The following PHACTR3 variants were observed in gnomAD, a reference collection of about 807,000 sequenced individuals.
PHACTR3 encodes protein phosphatase 1, regulatory subunit 123.
In PHACTR3, 16 loss-of-function variants were observed where a neutral mutation model predicts 66.8. The ratio of observed to expected loss-of-function variants is 0.24; its 90% CI spans 0.16 to 0.36. The LOEUF is 0.36. Among genes scored for constraint, PHACTR3 ranks in the 10% least tolerant of loss-of-function variants. The probability of loss-of-function intolerance (pLI) is 1.00; values close to 1 mark genes in which losing one functional copy is unlikely to be tolerated. For missense variants in PHACTR3, 647 were observed against 719.9 expected, an observed-to-expected ratio of 0.90 and a Z score of 1.16; for synonymous variants, 323 against 292.1, an observed-to-expected ratio of 1.11 and a Z score of -1.08.
chr20:59,840,164 G>C (rs1474578327), intron 9 of PHACTR3, among the ~76,000 whole-genome samples: 1 of 152,170 alleles, frequency 6.6e-6, no homozygotes, highest in Non-Finnish European at 1.5e-5. Context: ...GCAAAGCTTT[G>C]CTTAGTACAA....
chr20:59,846,681 A>AGGGTC (rs2059154959), intron 12 of PHACTR3, among the ~76,000 whole-genome samples: 2 of 152,112 alleles, frequency 1.3e-5, no homozygotes, highest in Non-Finnish European at 2.9e-5. Context: ...CCCTAAAATT[A>AGGGTC]TTTCAACAAT....
At chr20:59,783,651 C>T (rs1424560828) in intron 7 of PHACTR3, among the ~76,000 whole-genome samples, 1 of 152,212 alleles carries the variant, frequency 6.6e-6, no homozygotes, top group East Asian at 1.9e-4. Flanking sequence ...TCCAGCTCCA[C>T]AGCACATGAC....
At chr20:59,794,813 A>G (rs934013896) in intron 7 of PHACTR3, among the ~76,000 whole-genome samples, 7 of 152,180 alleles carry the variant, frequency 4.6e-5, no homozygotes, top group Middle Eastern at 3.4e-3. Flanking sequence ...AGGTTATCCA[A>G]TTGTTCGTAC....
At chr20:59,619,462 T>G (rs540025648) in intron 1 of PHACTR3, among the ~76,000 whole-genome samples, 1 of 152,214 alleles carries the variant, frequency 6.6e-6, no homozygotes, top group African/African-American at 2.4e-5. Flanking sequence ...ATCTGACTCT[T>G]GCTAACACCC....
intron 5 of PHACTR3, 136 bp downstream of exon 5, chr20:59,767,531 C>A: frequency 1.9e-6 from 2 of 1,076,812 alleles, no homozygotes; most frequent in Non-Finnish European, 2.7e-6. Context: ...TACCTTCAAC[C>A]AGTCTTGATT....
At chr20:59,840,904 A>AT (rs2059046312) in intron 10 of PHACTR3, among the ~76,000 whole-genome samples, 1 of 152,248 alleles carries the variant, frequency 6.6e-6, no homozygotes, top group African/African-American at 2.4e-5. Context: ...TGGCCAATAC[A>AT]GGTAGCAACT....
chr20:59,694,781 A>T (rs1257913374), intron 1 of PHACTR3, among the ~76,000 whole-genome samples: 1 of 152,134 alleles, frequency 6.6e-6, no homozygotes, highest in Non-Finnish European at 1.5e-5. Context: ...TGATGAAGGC[A>T]CTAGGATCCT....
chr20:59,730,671 G>C (rs1288986455), intron 1 of PHACTR3, among the ~76,000 whole-genome samples: 1 of 152,188 alleles, frequency 6.6e-6, no homozygotes, highest in African/African-American at 2.4e-5. Context: ...GGGGCACCCA[G>C]TAGTATTTTT....
intron 4 of PHACTR3, among the ~76,000 whole-genome samples, chr20:59,758,755 G>T (rs190081696): frequency 2.7e-4 from 41 of 152,300 alleles, no homozygotes; most frequent in African/African-American, 9.1e-4. Flanking sequence ...TTGACATCAG[G>T]CCGACCTGGG....
At chr20:59,595,115 T>C (rs1223422637) in intron 1 of PHACTR3, among the ~76,000 whole-genome samples, 1 of 152,244 alleles carries the variant, frequency 6.6e-6, no homozygotes, top group African/African-American at 2.4e-5. Flanking sequence ...TTGTTACTAA[T>C]TTCTAGTTTA....
At chr20:59,730,150 G>A (rs1254978754) in intron 1 of PHACTR3, among the ~76,000 whole-genome samples, 2 of 152,134 alleles carry the variant, frequency 1.3e-5, no homozygotes. Context: ...TGCTCTCACG[G>A]TCAAGTAGCC....
rs535437550 is a variant in PHACTR3 at position 59,643,190 on chromosome 20, C to T, written c.118+38058C>T. 1.6e-4 allele frequency among the ~76,000 whole-genome samples: 25 copies of T among 152,286 alleles called. No homozygotes were observed. The South Asian group carries it at 2.7e-3, about 16-fold the overall frequency. On this transcript the variant is annotated intron_variant, in intron 1 of 12. Transcript: ENST00000371015. ...CCTCCCAAAGTGCTGGGATTACAGG[C>T]GTGAGCCACTGCGCCGGCCTAATTC...
chr20:59,754,474 G>A (rs754485447), intron 3 of PHACTR3, among the ~76,000 whole-genome samples: 2 of 152,236 alleles, frequency 1.3e-5, no homozygotes, highest in African/African-American at 2.4e-5. Flanking sequence ...ACCCCTGGGG[G>A]CAAGGACTGT....
At chr20:59,732,817 C>T (rs1239990397) in intron 1 of PHACTR3, among the ~76,000 whole-genome samples, 1 of 152,196 alleles carries the variant, frequency 6.6e-6, no homozygotes, top group Non-Finnish European at 1.5e-5. Context: ...ATTCAACCCA[C>T]CTGCCAGGCA....
intron 1 of PHACTR3, among the ~76,000 whole-genome samples, chr20:59,622,992 A>AAAAAAAAAAAAAAAAAC (rs1371507011): frequency 6.9e-6 from 1 of 145,178 alleles, no homozygotes; most frequent in African/African-American, 2.5e-5. Context: ...AAAAAAAAAA[A>AAAAAAAAAAAAAAAAAC]AAAAAAAAAC....
At chr20:59,728,238 C>G (rs546438510) in intron 1 of PHACTR3, among the ~76,000 whole-genome samples, 2 of 152,098 alleles carry the variant, frequency 1.3e-5, no homozygotes, top group Non-Finnish European at 2.9e-5. Context: ...TGGCTCCTTT[C>G]GTTTAGCACC....
At chr20:59,580,403 G>A (rs2032824101) in intron 1 of PHACTR3, among the ~76,000 whole-genome samples, 1 of 152,124 alleles carries the variant, frequency 6.6e-6, no homozygotes, top group African/African-American at 2.4e-5. Context: ...CTACTTCCCG[G>A]AGCTTGCTTG....
At chr20:59,606,037 C>A (rs983019965) in intron 1 of PHACTR3, among the ~76,000 whole-genome samples, 1 of 152,214 alleles carries the variant, frequency 6.6e-6, no homozygotes, top group Non-Finnish European at 1.5e-5. Flanking sequence ...CCACAGGACT[C>A]AGTTTTGTAT....
intron 1 of PHACTR3, among the ~76,000 whole-genome samples, chr20:59,679,961 C>A (rs529538760): frequency 7.2e-5 from 11 of 152,132 alleles, no homozygotes; most frequent in Non-Finnish European, 1.5e-4. Context: ...GCACACGCAT[C>A]GCTTTAGGGA....
Sources: allele counts gnomAD v4.1 joint callset (sites outside exome capture counted in the v4.1 genomes callset), GRCh38; gene constraint gnomAD v4.1.1; transcripts MANE v1.5; gene names NCBI Gene and HGNC (gene_info 2026-07-23, HGNC 2026-07-21).